The following CNOT4 variants were observed in gnomAD, a reference collection of about 807,000 sequenced individuals.
CNOT4 encodes CCR4-associated factor 4.
Under a neutral mutation model 73.8 loss-of-function variants are expected in CNOT4, and 8 were observed. The ratio of observed to expected loss-of-function variants is 0.11; its 90% CI spans 0.06 to 0.20. The LOEUF (loss-of-function observed/expected upper bound fraction) is 0.20, where lower values mean the gene tolerates loss of function less well. Ranked by LOEUF, CNOT4 falls within the 10% of genes least tolerant of loss-of-function variation. The probability of loss-of-function intolerance (pLI) is 1.00; values close to 1 mark genes in which losing one functional copy is unlikely to be tolerated. For synonymous variants in CNOT4, 293 were observed against 321.1 expected (o/e 0.91, Z 0.94); for missense variants, 564 against 883.4 (o/e 0.64, Z 4.58).
At chr7:135,425,049 T>C (rs1798414285) in intron 2 of CNOT4, among the ~76,000 whole-genome samples, 1 of 152,184 alleles carries the variant, frequency 6.6e-6, no homozygotes, top group Non-Finnish European at 1.5e-5. Flanking sequence ...CCATCACCAG[T>C]GGACTCTGCA....
chr7:135,380,434 A>C (rs1795781485), intron 10 of CNOT4, among the ~76,000 whole-genome samples: 2 of 152,224 alleles, frequency 1.3e-5, no homozygotes, highest in Non-Finnish European at 2.9e-5. Context: ...GTTTATTTTA[A>C]GAGTACCTGC....
chr7:135,434,248 A>G (rs1369347776), intron 2 of CNOT4, among the ~76,000 whole-genome samples: 1 of 152,202 alleles, frequency 6.6e-6, no homozygotes, highest in Non-Finnish European at 1.5e-5. Flanking sequence ...GATGGCCTCC[A>G]GAGACCAAAG....
At chr7:135,401,556 C>T (rs556344678) in intron 7 of CNOT4, among the ~76,000 whole-genome samples, 1 of 152,238 alleles carries the variant, frequency 6.6e-6, no homozygotes, top group East Asian at 1.9e-4. Context: ...TTTTGTTGTT[C>T]ATTCCATTTT....
intron 1 of CNOT4, among the ~76,000 whole-genome samples, chr7:135,453,962 A>G (rs1477087733): frequency 7.0e-6 from 1 of 142,458 alleles, no homozygotes; most frequent in Non-Finnish European, 1.5e-5. Flanking sequence ...ATATGGCGAA[A>G]CCCTATCTCT....
At chr7:135,461,056 GC>G (rs1800844915) in intron 1 of CNOT4, among the ~76,000 whole-genome samples, 2 of 152,304 alleles carry the variant, frequency 1.3e-5, no homozygotes, top group Admixed American at 1.3e-4. Flanking sequence ...ATAGGATGGG[GC>G]CTGCAGGGCA....
chr7:135,426,806 C>T (rs559548888), intron 2 of CNOT4, among the ~76,000 whole-genome samples: 128 of 151,186 alleles, frequency 8.5e-4, no homozygotes, highest in Admixed American at 3.7e-3. Flanking sequence ...GCCTGTAATC[C>T]CAGCTACTCA....
At chr7:135,455,575 A>T (rs1800475257) in intron 1 of CNOT4, among the ~76,000 whole-genome samples, 1 of 143,944 alleles carries the variant, frequency 6.9e-6, no homozygotes, top group South Asian at 2.2e-4. Flanking sequence ...CCACAGGTTT[A>T]AAAAAAAAAA....
chr7:135,460,625 C>T (rs954242374), intron 1 of CNOT4, among the ~76,000 whole-genome samples: 1 of 151,882 alleles, frequency 6.6e-6, no homozygotes, highest in Non-Finnish European at 1.5e-5. Context: ...CAGAGATCAC[C>T]GTAACAGACA....
intron 10 of CNOT4, among the ~76,000 whole-genome samples, chr7:135,373,867 C>A (rs1182456585): frequency 6.6e-6 from 1 of 152,190 alleles, no homozygotes; most frequent in African/African-American, 2.4e-5. Context: ...AGGCCTGAGC[C>A]ACCATGCCCA....
At chr7:135,412,196 CA>C (rs894830651) in intron 6 of CNOT4, among the ~76,000 whole-genome samples, 1 of 151,824 alleles carries the variant, frequency 6.6e-6, no homozygotes, top group Non-Finnish European at 1.5e-5. Context: ...TGGAAAGCCA[CA>C]AAGAGCTCAA....
At chr7:135,403,982 T>A (rs1427036361) in intron 7 of CNOT4, among the ~76,000 whole-genome samples, 1 of 152,180 alleles carries the variant, frequency 6.6e-6, no homozygotes, top group Non-Finnish European at 1.5e-5. Flanking sequence ...CACAACCCTA[T>A]CTTTAACTGC....
intron 10 of CNOT4, among the ~76,000 whole-genome samples, chr7:135,365,845 G>A (rs1022551466): frequency 6.6e-6 from 1 of 152,172 alleles, no homozygotes; most frequent in South Asian, 2.1e-4. Flanking sequence ...ACAATCACTA[G>A]TTTCCCCCTG....
intron 10 of CNOT4, among the ~76,000 whole-genome samples, chr7:135,381,624 G>C (rs1795849813): frequency 6.6e-6 from 1 of 152,174 alleles, no homozygotes. Context: ...ACAGAGTCTA[G>C]AAGCAGCTAT....
At position 135,362,282 on chromosome 7, in the gene CNOT4, T is replaced by C. The variant is rs1219408008; in HGVS notation, c.*603A>G. 6.4e-6 allele frequency: 1 copy of C among 157,444 alleles called. No homozygotes were observed. Among genetic ancestry groups the C allele is most frequent in the Non-Finnish European group, 1.4e-5 (1 of 71,190 alleles). 9.8% of individuals were successfully genotyped at this position (157,444 alleles called of 1,614,324 possible). ...CGGCCAGTTACTACTACAGATGAAT[T>C]TGTCTTTCCATCAACTTCCAATACA... is the stretch of plus-strand genomic sequence containing the variant. On this transcript the variant is annotated 3_prime_UTR_variant, in exon 12 of 12. Transcript: ENST00000541284.
At chr7:135,389,277 G>A (rs897758754) in intron 10 of CNOT4, among the ~76,000 whole-genome samples, 2 of 150,418 alleles carry the variant, frequency 1.3e-5, no homozygotes, top group Admixed American at 1.3e-4. Flanking sequence ...ATTAAACCTT[G>A]ATTTACAGAA....
intron 1 of CNOT4, among the ~76,000 whole-genome samples, chr7:135,464,842 A>ATGTT (rs1446530912): frequency 1.3e-5 from 2 of 152,022 alleles, no homozygotes; most frequent in East Asian, 3.9e-4. Context: ...ATAAAGCCCA[A>ATGTT]TGTTTTGATA....
At chr7:135,399,121 T>A (rs149229688) in intron 7 of CNOT4, among the ~76,000 whole-genome samples, 48 of 151,922 alleles carry the variant, frequency 3.2e-4, no homozygotes, top group African/African-American at 1.2e-3. Context: ...ACTGCAACAG[T>A]GTACTGATAT....
intron 1 of CNOT4, among the ~76,000 whole-genome samples, chr7:135,484,389 T>A (rs1437639012): frequency 6.6e-6 from 1 of 152,016 alleles, no homozygotes; most frequent in Non-Finnish European, 1.5e-5. Flanking sequence ...ATGACATGAC[T>A]ATCTAGAAAA....
intron 10 of CNOT4, among the ~76,000 whole-genome samples, chr7:135,389,735 T>C (rs1042079711): frequency 4.6e-5 from 7 of 152,152 alleles, no homozygotes; most frequent in African/African-American, 1.7e-4. Flanking sequence ...TTGAGGTATA[T>C]CTTGAAACAA....
Sources: gnomAD v4.1 joint callset for allele counts (sites outside exome capture counted in the v4.1 genomes callset) on GRCh38, gnomAD v4.1.1 for gene constraint, MANE v1.5 for transcripts, NCBI Gene and HGNC (gene_info 2026-07-23, HGNC 2026-07-21) for gene names.